The following PHF21B variants were observed in gnomAD, a reference collection of about 807,000 sequenced individuals.
PHF21B encodes the protein PHD finger protein 4.
Under a neutral mutation model 62.2 loss-of-function variants are expected in PHF21B, and 22 were observed. The observed-to-expected ratio is 0.35, with a 90% CI of 0.25 to 0.51. The LOEUF (loss-of-function observed/expected upper bound fraction) is 0.51. Among genes scored for constraint, PHF21B ranks in the 20% least tolerant of loss-of-function variants. The pLI, the probability that PHF21B is intolerant of heterozygous loss-of-function variation, is 0.97. For synonymous variants in PHF21B, 341 were observed against 314.7 expected (o/e 1.08, Z -0.88); for missense variants, 701 against 707.9 (o/e 0.99, Z 0.11).
intron 2 of PHF21B, among the ~76,000 whole-genome samples, chr22:44,942,966 A>C (rs2071988499): frequency 6.7e-6 from 1 of 148,434 alleles, no homozygotes; most frequent in Non-Finnish European, 1.5e-5. Flanking sequence ...TGAGGCAGGG[A>C]CCCACAGGCG....
At chr22:44,896,880 G>GTT (rs56878868) in intron 5 of PHF21B, among the ~76,000 whole-genome samples, 5 of 84,038 alleles carry the variant, frequency 5.9e-5, no homozygotes, top group East Asian at 6.9e-4. Flanking sequence ...AGTTTTATCT[G>GTT]TTTTTTTTTT....
At chr22:44,996,510 G>A (rs917385920) in intron 2 of PHF21B, among the ~76,000 whole-genome samples, 9 of 151,956 alleles carry the variant, frequency 5.9e-5, no homozygotes, top group African/African-American at 2.2e-4. Flanking sequence ...TCAACATTCT[G>A]CCCCATGAAA....
chr22:44,935,374 C>A (rs764410412), intron 2 of PHF21B, among the ~76,000 whole-genome samples: 2 of 151,844 alleles, frequency 1.3e-5, no homozygotes, highest in African/African-American at 4.8e-5. Flanking sequence ...CAGCACTTTG[C>A]GAGGCTGAGA....
At chr22:44,899,285 C>CTTTTT (rs71188499) in intron 5 of PHF21B, among the ~76,000 whole-genome samples, 144 of 97,286 alleles carry the variant, frequency 1.5e-3, no homozygotes, top group East Asian at 2.3e-3. Flanking sequence ...TGTTCTTATT[C>CTTTTT]TTTTTTTTTT....
At chr22:44,933,269 G>T (rs1020285313) in intron 2 of PHF21B, among the ~76,000 whole-genome samples, 1 of 152,252 alleles carries the variant, frequency 6.6e-6, no homozygotes, top group South Asian at 2.1e-4. Flanking sequence ...GTGCCACCAC[G>T]CCTGGCTAAT....
At chr22:44,893,101 T>C (rs1277655106) in intron 7 of PHF21B, among the ~76,000 whole-genome samples, 1 of 152,024 alleles carries the variant, frequency 6.6e-6, no homozygotes, top group African/African-American at 2.4e-5. Flanking sequence ...CTAGACAAGG[T>C]GTGAGGTGGT....
chr22:44,912,134 C>A (rs1016807165), intron 5 of PHF21B, among the ~76,000 whole-genome samples: 1 of 152,216 alleles, frequency 6.6e-6, no homozygotes, highest in Non-Finnish European at 1.5e-5. Flanking sequence ...GCTGTATTTA[C>A]CCAATGCCTG....
intron 2 of PHF21B, among the ~76,000 whole-genome samples, chr22:44,929,835 G>A (rs1451741200): frequency 1.3e-5 from 2 of 152,238 alleles, no homozygotes; most frequent in East Asian, 1.9e-4. Context: ...GCAGGCCTGA[G>A]GGACCCACAG....
chr22:44,968,153 C>G (rs1001859150), intron 2 of PHF21B, among the ~76,000 whole-genome samples: 7 of 152,048 alleles, frequency 4.6e-5, no homozygotes, highest in Middle Eastern at 3.2e-3. Context: ...CCCAGCTCAC[C>G]CTTAAGGGGT....
intron 2 of PHF21B, among the ~76,000 whole-genome samples, chr22:44,963,298 C>T (rs952581937): frequency 1.3e-5 from 2 of 152,234 alleles, no homozygotes; most frequent in Non-Finnish European, 2.9e-5. Flanking sequence ...ACCACTGCAG[C>T]GGCCCCGAGC....
chr22:44,887,227 A>G (rs2147247409), intron 10 of PHF21B, among the ~76,000 whole-genome samples: 1 of 152,070 alleles, frequency 6.6e-6, no homozygotes, highest in Non-Finnish European at 1.5e-5. Context: ...CATCTGTGGA[A>G]GGCACACTTG....
At chr22:44,934,863 C>T (rs1162134482) in intron 2 of PHF21B, among the ~76,000 whole-genome samples, 1 of 152,216 alleles carries the variant, frequency 6.6e-6, no homozygotes, top group Non-Finnish European at 1.5e-5. Flanking sequence ...TGCTTAACTC[C>T]AGACCCACCG....
chr22:44,883,803 TAAC>T (rs141072362), intron 12 of PHF21B, among the ~76,000 whole-genome samples: 46,078 of 151,880 alleles, frequency 0.3, 8,591 homozygotes, highest in Non-Finnish European at 0.41. Context: ...CTTGGGCAAA[TAAC>T]AACCTCCCCG....
chr22:44,888,971 A>G (rs562941603), intron 9 of PHF21B, among the ~76,000 whole-genome samples: 78 of 152,310 alleles, frequency 5.1e-4, no homozygotes, highest in Middle Eastern at 3.4e-3. Context: ...TCCCCTGTCC[A>G]CATGCCCGCC....
Position 45,009,569 on chromosome 22 carries a change from CT to C in PHF21B, c.-21del. On this transcript the variant is annotated 5_prime_UTR_variant, in exon 1 of 13. Coordinates refer to ENST00000313237, the MANE Select transcript of PHF21B (RefSeq NM_138415.5). The surrounding 1 kb of genome is among the most constrained non-coding windows in gnomAD (Gnocchi z 5.9). ...CTCCATCCCGGCAACTTGGGCAGCA[CT>C]TTGCGCTCACTTTGGCCCGGGCTCC... 1 of 1,560,208 alleles carries C rather than the reference CT, an allele frequency of 6.4e-7. No homozygotes were observed. The highest frequency in any genetic ancestry group is 8.6e-7 in the Non-Finnish European group (1 of 1,164,162).
chr22:44,939,962 C>T (rs1422131983), intron 2 of PHF21B, among the ~76,000 whole-genome samples: 1 of 152,094 alleles, frequency 6.6e-6, no homozygotes, highest in African/African-American at 2.4e-5. Flanking sequence ...ATCAAAAACT[C>T]AAAAAGCCCA....
intron 2 of PHF21B, among the ~76,000 whole-genome samples, chr22:44,993,017 CA>C (rs1300568715): frequency 7.2e-5 from 11 of 152,222 alleles, no homozygotes; most frequent in Admixed American, 2.0e-4. Context: ...TGCATCCTCA[CA>C]CTTGGTCAGA....
At chr22:44,973,588 G>A (rs968441326) in intron 2 of PHF21B, among the ~76,000 whole-genome samples, 1 of 152,020 alleles carries the variant, frequency 6.6e-6, no homozygotes, top group Non-Finnish European at 1.5e-5. Flanking sequence ...TGGGGTGGGG[G>A]GCACACTTTT....
At chr22:44,977,710 C>T (rs964373536) in intron 2 of PHF21B, among the ~76,000 whole-genome samples, 1 of 151,780 alleles carries the variant, frequency 6.6e-6, no homozygotes. Context: ...TCTAGAGTAG[C>T]TGGGGCTACA....
Sources: allele counts gnomAD v4.1 joint callset (sites outside exome capture counted in the v4.1 genomes callset), GRCh38; gene constraint gnomAD v4.1.1; non-coding constraint Gnocchi (gnomAD v3.1); transcripts MANE v1.5; gene names NCBI Gene and HGNC (gene_info 2026-07-23, HGNC 2026-07-21).